The following LDB2 variants were observed in gnomAD, a reference collection of about 807,000 sequenced individuals.
LDB2 encodes LIM domain-binding protein 2.
LDB2 carries 12 observed loss-of-function variants against 44.3 expected under a neutral mutation model. The ratio of observed to expected loss-of-function variants is 0.27; its 90% CI spans 0.17 to 0.44. The LOEUF (loss-of-function observed/expected upper bound fraction) is 0.44. Ranked by LOEUF, LDB2 falls within the 20% of genes least tolerant of loss-of-function variation. The pLI is 1.00. For missense variants in LDB2, 344 were observed against 473.5 expected (o/e 0.73, Z 2.54); for synonymous variants, 164 against 174.8 (o/e 0.94, Z 0.49).
At chr4:16,609,559 A>G (rs1578183893) in intron 2 of LDB2, among the ~76,000 whole-genome samples, 1 of 152,170 alleles carries the variant, frequency 6.6e-6, no homozygotes, top group Admixed American at 6.5e-5. Flanking sequence ...ACGTGTCCCC[A>G]CAACCCAACA....
intron 1 of LDB2, among the ~76,000 whole-genome samples, chr4:16,798,714 C>G (rs1777197815): frequency 1.3e-5 from 2 of 152,352 alleles, no homozygotes; most frequent in African/African-American, 4.8e-5. Flanking sequence ...CAGCTCACCT[C>G]CCTACAACGT....
chr4:16,593,514 A>T (rs74432860), intron 3 of LDB2, among the ~76,000 whole-genome samples: 2 of 151,900 alleles, frequency 1.3e-5, no homozygotes, highest in Admixed American at 1.3e-4. Flanking sequence ...GAAAAAAAAA[A>T]TGGATCCTTT....
chr4:16,848,481 A>G (rs1787535086), intron 1 of LDB2, among the ~76,000 whole-genome samples: 2 of 152,246 alleles, frequency 1.3e-5, no homozygotes, highest in Non-Finnish European at 2.9e-5. Flanking sequence ...ACACATGAAT[A>G]GAAGCTGCAG....
intron 2 of LDB2, among the ~76,000 whole-genome samples, chr4:16,605,797 C>T (rs879769579): frequency 1.3e-5 from 2 of 152,178 alleles, no homozygotes; most frequent in Non-Finnish European, 2.9e-5. Context: ...CCAGAGACCT[C>T]CCCGCCCTGC....
intron 2 of LDB2, among the ~76,000 whole-genome samples, chr4:16,737,152 A>G (rs922851029): frequency 6.6e-6 from 1 of 152,226 alleles, no homozygotes; most frequent in African/African-American, 2.4e-5. Context: ...AATTTTAAGA[A>G]TCAAAATTTG....
At chr4:16,831,466 G>A (rs1472015710) in intron 1 of LDB2, among the ~76,000 whole-genome samples, 1 of 152,112 alleles carries the variant, frequency 6.6e-6, no homozygotes, top group Non-Finnish European at 1.5e-5. Context: ...TGTGGAAGTA[G>A]AAGCAAAAAG....
At chr4:16,717,598 C>T (rs1377666186) in intron 2 of LDB2, among the ~76,000 whole-genome samples, 3 of 152,146 alleles carry the variant, frequency 2.0e-5, no homozygotes, top group African/African-American at 4.8e-5. Flanking sequence ...TTCTGTATGT[C>T]TCAAAGCATC....
At chr4:16,831,055 C>T (rs1374153808) in intron 1 of LDB2, among the ~76,000 whole-genome samples, 1 of 152,072 alleles carries the variant, frequency 6.6e-6, no homozygotes, top group African/African-American at 2.4e-5. Context: ...CAATCAAGCA[C>T]CTCTAGGCAA....
intron 2 of LDB2, among the ~76,000 whole-genome samples, chr4:16,696,749 A>G (rs1424510986): frequency 4.6e-5 from 7 of 152,218 alleles, no homozygotes; most frequent in Non-Finnish European, 1.5e-5. Flanking sequence ...TACTCATTCC[A>G]TGATGGGTCT....
At chr4:16,559,887 A>G (rs1741384602) in intron 5 of LDB2, among the ~76,000 whole-genome samples, 1 of 152,202 alleles carries the variant, frequency 6.6e-6, no homozygotes, top group African/African-American at 2.4e-5. Flanking sequence ...CAATGCAATC[A>G]AACTAGAACT....
chr4:16,611,434 T>C (rs1433460208), intron 2 of LDB2, among the ~76,000 whole-genome samples: 1 of 150,596 alleles, frequency 6.6e-6, no homozygotes, highest in East Asian at 2.0e-4. Flanking sequence ...GGATATGGAG[T>C]CAAGACCAAT....
chr4:16,590,845 T>C (rs764746473), intron 3 of LDB2, among the ~76,000 whole-genome samples: 1 of 152,124 alleles, frequency 6.6e-6, no homozygotes, highest in African/African-American at 2.4e-5. Flanking sequence ...GTTGAGCGCA[T>C]AGAAAAGGGA....
intron 2 of LDB2, among the ~76,000 whole-genome samples, chr4:16,727,442 G>A (rs1759757140): frequency 6.6e-6 from 1 of 152,106 alleles, no homozygotes; most frequent in South Asian, 2.1e-4. Flanking sequence ...TCGAGCATGG[G>A]GAATGCAGTT....
chr4:16,574,024 T>C (rs994957838), intron 5 of LDB2, among the ~76,000 whole-genome samples: 22 of 152,228 alleles, frequency 1.4e-4, no homozygotes, highest in African/African-American at 5.1e-4. Flanking sequence ...CTTTATGTCA[T>C]TCTGATGGAG....
At chr4:16,770,788 A>G (rs1304071567) in intron 1 of LDB2, among the ~76,000 whole-genome samples, 36 of 152,172 alleles carry the variant, frequency 2.4e-4, no homozygotes, top group Admixed American at 2.4e-3. Flanking sequence ...TACTCTCACA[A>G]TCAAAAAGAA....
intron 2 of LDB2, among the ~76,000 whole-genome samples, chr4:16,609,351 C>CGGGGG (rs71181179): frequency 1.3e-3 from 141 of 108,888 alleles, no homozygotes; most frequent in African/African-American, 3.2e-3. Flanking sequence ...GGGGAGGGGG[C>CGGGGG]GGGGGGGGGA....
intron 2 of LDB2, among the ~76,000 whole-genome samples, chr4:16,678,186 T>C (rs1177824077): frequency 1.3e-5 from 2 of 152,188 alleles, no homozygotes; most frequent in African/African-American, 4.8e-5. Context: ...TAGCAAGCTG[T>C]TTCTTGATTA....
intron 1 of LDB2, among the ~76,000 whole-genome samples, chr4:16,816,528 C>T (rs1287722604): frequency 6.6e-6 from 1 of 151,380 alleles, no homozygotes; most frequent in East Asian, 2.0e-4. Flanking sequence ...CCCACCTCAG[C>T]CTCCCAAGTA....
chr4:16,554,175 C>T (rs1475500907), intron 5 of LDB2, among the ~76,000 whole-genome samples: 8 of 151,890 alleles, frequency 5.3e-5, no homozygotes, highest in East Asian at 1.9e-4. Context: ...CTCAGCCTCA[C>T]GAGTAGCTGG....
Sources: gnomAD v4.1 joint callset for allele counts (sites outside exome capture counted in the v4.1 genomes callset) on GRCh38, gnomAD v4.1.1 for gene constraint, MANE v1.5 for transcripts, NCBI Gene and HGNC (gene_info 2026-07-23, HGNC 2026-07-21) for gene names.